The following ZFYVE26 variants were observed in gnomAD, a reference collection of about 807,000 sequenced individuals.
ZFYVE26 encodes zinc finger FYVE domain-containing protein 26.
ZFYVE26 carries 181 observed loss-of-function variants against 276.5 expected under a neutral mutation model. That is an observed-to-expected ratio of 0.65 (90% CI 0.58 to 0.74). ZFYVE26 has a LOEUF of 0.74. Among genes scored for constraint, ZFYVE26 ranks in the 30% least tolerant of loss-of-function variants. The pLI is 0.00. For missense variants in ZFYVE26, 2,821 were observed against 3,097.9 expected (o/e 0.91, Z 2.12); for synonymous variants, 1,129 against 1,203.1 (o/e 0.94, Z 1.27).
At chr14:67,779,899 T>C (rs1319010231) in intron 23 of ZFYVE26, among the ~76,000 whole-genome samples, 1 of 152,092 alleles carries the variant, frequency 6.6e-6, no homozygotes, top group East Asian at 1.9e-4. Flanking sequence ...TGAGACAGAG[T>C]CTCGCTCTGT....
chr14:67,805,371 T>C, intron 7 of ZFYVE26, 66 bp from the exon 8 acceptor site: 1 of 1,613,294 alleles, frequency 6.2e-7, no homozygotes, highest in Non-Finnish European at 8.5e-7. Flanking sequence ...TTATGACTGA[T>C]TTTAGGGCTC....
At chr14:67,789,648 C>G (rs373371743) in intron 15 of ZFYVE26, 50 bp from the exon 16 acceptor site, 1 of 1,611,892 alleles carries the variant, frequency 6.2e-7, no homozygotes, top group Non-Finnish European at 8.5e-7. Flanking sequence ...AGGATTCTTA[C>G]TACAACTTTT....
chr14:67,798,587 A>G lies in ZFYVE26; in HGVS notation c.1675T>C (p.Cys559Arg). The G allele has an allele frequency of 1.2e-6, 2 of 1,614,082 alleles. No individual in the cohort carries two copies. ...GGAATACTGCACAGATACTGTTGAC[A>G]CCTGGCCAGGTAAGTTGAGAAGAGA... The part of the protein sequence containing the change: ...ANLFSTYLAR[C>R]QQYLCSIPDS... Residue 559 changes from cysteine (C) to arginine (R), a missense_variant, in exon 11 of 42, where the codon TGT (cysteine) becomes CGT (arginine). Physicochemically the swap from Cys to Arg is radical, Grantham distance 180. Coordinates refer to ENST00000347230, the MANE Select transcript of ZFYVE26 (RefSeq NM_015346.4).
intron 2 of ZFYVE26, 132 bp downstream of exon 2, chr14:67,815,638 G>T: frequency 1.1e-6 from 1 of 899,954 alleles, no homozygotes; most frequent in Non-Finnish European, 1.9e-6. Context: ...AAATTTCAGA[G>T]CACGTGAAAT....
chr14:67,781,506 A>G lies in ZFYVE26; in HGVS notation c.4396T>C (p.Phe1466Leu). ...CTCAGAGATGCATCCTTCACGGGAAACAGGTATTGCCAACCTTCTTTGTCT... is the reference window on the plus strand; with the variant it reads ...CTCAGAGATGCATCCTTCACGGGAAGCAGGTATTGCCAACCTTCTTTGTCT... Reference protein sequence around the residue: ...ACDKEGWQYLFPVKDASLRSR... With the variant: ...ACDKEGWQYLLPVKDASLRSR... Residue 1466 changes from phenylalanine to leucine, a missense_variant, in exon 22 of 42, where the codon TTT becomes CTT. Physicochemically the swap from Phe to Leu is conservative, Grantham distance 22 (BLOSUM62 0). Transcript: ENST00000347230. The G allele has an allele frequency of 1.2e-6, 2 of 1,614,186 alleles. No individual in the cohort carries two copies. Among genetic ancestry groups the G allele is most frequent in the Non-Finnish European group, 1.7e-6 (2 of 1,180,042 alleles).
At chr14:67,761,795 A>C in intron 34 of ZFYVE26, 8 of 594,726 alleles carry the variant, frequency 1.3e-5, no homozygotes, top group East Asian at 2.9e-5. Context: ...ATATTTAACA[A>C]TGTGGAAAAA....
intron 25 of ZFYVE26, 96 bp from the exon 26 acceptor site, chr14:67,776,202 A>G: frequency 1.9e-6 from 3 of 1,559,498 alleles, no homozygotes; most frequent in Non-Finnish European, 2.6e-6. Flanking sequence ...GTGCATGAGA[A>G]CAAAAGGTGC....
chr14:67,756,788 C>A (rs1346597674), intron 35 of ZFYVE26, among the ~76,000 whole-genome samples: 1 of 152,154 alleles, frequency 6.6e-6, no homozygotes, highest in Non-Finnish European at 1.5e-5. Context: ...TGTTGATTTG[C>A]TGATGATGCC....
chr14:67,773,684 T>C (rs1414853740), intron 27 of ZFYVE26, among the ~76,000 whole-genome samples: 1 of 152,142 alleles, frequency 6.6e-6, no homozygotes, highest in Non-Finnish European at 1.5e-5. Flanking sequence ...CTGGTTACCA[T>C]GAAGCATGGC....
At position 67,754,194 on chromosome 14, in the gene ZFYVE26, C is replaced by G; in HGVS notation, c.7005G>C (p.Gln2335His). ...ADVSRHMNTL[Q>H]LQMEVTRFLH... ...AGAACCTGGTCACTTCCATCTGCAGCTGAAGTGTGTTCATGTGCCTGTGGT... is the reference window on the plus strand; with the variant it reads ...AGAACCTGGTCACTTCCATCTGCAGGTGAAGTGTGTTCATGTGCCTGTGGT... Residue 2335 changes from glutamine (Q) to histidine (H), a missense_variant, in exon 38 of 42, where the codon CAG (glutamine) becomes CAC (histidine). Transcript: ENST00000347230. 1.2e-6 allele frequency: 2 copies of G among 1,614,250 alleles called. No individual in the cohort carries two copies. The highest frequency in any genetic ancestry group is 1.7e-6 in the Non-Finnish European group (2 of 1,180,050).
chr14:67,813,722 C>A (rs1378708580), intron 3 of ZFYVE26, among the ~76,000 whole-genome samples: 2 of 152,082 alleles, frequency 1.3e-5, no homozygotes, highest in African/African-American at 4.8e-5. Context: ...TATTTTGTTA[C>A]CTTCACTGAG....
chr14:67,784,834 C>T (rs553677330), intron 19 of ZFYVE26, among the ~76,000 whole-genome samples: 43 of 152,222 alleles, frequency 2.8e-4, no homozygotes, highest in South Asian at 2.1e-4. Flanking sequence ...ATTTTTGAGT[C>T]GCTAATTCCA....
Position 67,739,783 on chromosome 14 carries a change from A to AT in ZFYVE26, n.2680-9965dup, listed in dbSNP as rs1427048554. On this transcript the variant is annotated intron_variant and non_coding_transcript_variant, in intron 13 of 14. Transcript: ENST00000394455. ...CAGGTGTTCACCCAAGTTTTAATCTATATGTACAATCTATTTTTTCTACAT... is the reference window on the plus strand; with the variant it reads ...CAGGTGTTCACCCAAGTTTTAATCTATTATGTACAATCTATTTTTTCTACAT... Among the ~76,000 whole-genome samples, 6 of 152,322 alleles carry AT rather than the reference A, an allele frequency of 3.9e-5. No individual in the cohort carries two copies. In the East Asian group the frequency reaches 1.2e-3, roughly 29 times the overall value.
chr14:67,800,403 A>C (rs7149351), intron 10 of ZFYVE26, among the ~76,000 whole-genome samples: 5,066 of 152,306 alleles, frequency 0.033, 190 homozygotes, highest in African/African-American at 0.087. Flanking sequence ...GTTTCCTTTT[A>C]TAAAAGAGAT....
rs139283212 is a variant in ZFYVE26, at chr14:67,793,680, G to T, written c.2481C>A (p.Pro827=). The change falls in exon 14 of 42, where the codon CCC becomes CCA. Residue 827 remains proline (P), a synonymous_variant. Transcript: ENST00000347230. The stretch of plus-strand genomic sequence containing the variant: ...GTGACTCAGGTGGGGAGAACATCAT[G>T]GGGATGAGTGAACTTTGAGGATGGG... The part of the protein sequence containing the change: ...LHPHPQSSLI[P]MMFSPPESLL... 600 of 1,613,858 alleles carry T rather than the reference G, an allele frequency of 3.7e-4. 2 individuals are homozygous for T. The East Asian group carries it at 0.013, about 35-fold the overall frequency.
intron 35 of ZFYVE26, among the ~76,000 whole-genome samples, chr14:67,758,337 A>G (rs762460036): frequency 1.3e-5 from 2 of 152,210 alleles, no homozygotes; most frequent in Non-Finnish European, 2.9e-5. Flanking sequence ...CATTAGCTCT[A>G]CAGGAGAGAT....
intron 13 of ZFYVE26, among the ~76,000 whole-genome samples, chr14:67,737,463 C>A (rs796567582): frequency 1.1e-4 from 16 of 152,030 alleles, no homozygotes; most frequent in African/African-American, 3.6e-4. Flanking sequence ...CTTTTAAAAC[C>A]ATCAGGTCTC....
rs1441162598 is a variant in ZFYVE26 at position 67,815,772 on chromosome 14, C to T, written c.192G>A (p.Leu64=). The T allele has an allele frequency of 1.9e-6, 3 of 1,612,896 alleles. No individual in the cohort carries two copies. The African/African-American group carries it at 4.0e-5, about 22-fold the overall frequency. The stretch of plus-strand genomic sequence containing the variant: ...TGGTAGGAAAAGAGATCCCTTACCT[C>T]AGCAGATTTGGACACACCACCAATG... The part of the protein sequence containing the change: ...LQALVVCPNL[L]RCGQDINPQR... The change falls in exon 2 of 42, where the codon CTG becomes CTA. Residue 64 remains leucine, a splice_region_variant and synonymous_variant. Coordinates refer to ENST00000347230, the MANE Select transcript of ZFYVE26 (RefSeq NM_015346.4).
chr14:67,779,930 G>A (rs938607501), intron 23 of ZFYVE26, among the ~76,000 whole-genome samples: 3 of 152,112 alleles, frequency 2.0e-5, no homozygotes, highest in African/African-American at 7.2e-5. Context: ...AGAGTGCAGT[G>A]GTGCGATCTC....
Sources: gnomAD v4.1 joint callset for allele counts (sites outside exome capture counted in the v4.1 genomes callset) on GRCh38, gnomAD v4.1.1 for gene constraint, MANE v1.5 for transcripts, NCBI Gene and HGNC (gene_info 2026-07-23, HGNC 2026-07-21) for gene names.